SULF1: variants seen among roughly 807,000 people sequenced by gnomAD.
SULF1 encodes the protein extracellular sulfatase Sulf-1.
SULF1 carries 46 observed loss-of-function variants against 110.5 expected under a neutral mutation model. The observed-to-expected ratio is 0.42, with a 90% CI of 0.33 to 0.53. The LOEUF (loss-of-function observed/expected upper bound fraction) is 0.53. SULF1 is among the 20% of genes least tolerant of loss of function. The probability of loss-of-function intolerance (pLI) is 0.12; values close to 1 mark genes in which losing one functional copy is unlikely to be tolerated. For missense variants in SULF1, 941 were observed against 1,094.2 expected (o/e 0.86, Z 1.98); for synonymous variants, 371 against 387.1 (o/e 0.96, Z 0.49).
At chr8:69,566,340 C>A (rs1815882812) in intron 5 of SULF1, among the ~76,000 whole-genome samples, 1 of 152,122 alleles carries the variant, frequency 6.6e-6, no homozygotes, top group African/African-American at 2.4e-5. Flanking sequence ...TTGCTCATAA[C>A]TTTCTTTTTT....
At chr8:69,613,900 T>C (rs767974970) in intron 13 of SULF1, among the ~76,000 whole-genome samples, 13 of 151,926 alleles carry the variant, frequency 8.6e-5, no homozygotes, top group Non-Finnish European at 1.3e-4. Context: ...TTTTATCGGA[T>C]GTGGAATCCA....
intron 1 of SULF1, among the ~76,000 whole-genome samples, chr8:69,495,276 A>C (rs1455316688): frequency 6.6e-6 from 1 of 152,148 alleles, no homozygotes; most frequent in African/African-American, 2.4e-5. Context: ...CCAGCTACTC[A>C]GGAGGCTGAA....
At chr8:69,490,106 T>C (rs895736592), upstream of SULF1, among the ~76,000 whole-genome samples, 5 of 147,768 alleles carry the variant, frequency 3.4e-5, no homozygotes, top group African/African-American at 1.2e-4. Context: ...ACTTTTCTTT[T>C]TTTTTTTTTT....
chr8:69,639,476 A>T (rs1811300103), intron 21 of SULF1, among the ~76,000 whole-genome samples: 1 of 152,182 alleles, frequency 6.6e-6, no homozygotes, highest in Non-Finnish European at 1.5e-5. Flanking sequence ...CCTTTGTTTC[A>T]TGGAGATGCA....
At chr8:69,650,318 G>A (rs1324281875) in intron 22 of SULF1, among the ~76,000 whole-genome samples, 1 of 151,934 alleles carries the variant, frequency 6.6e-6, no homozygotes, top group Non-Finnish European at 1.5e-5. Flanking sequence ...GCATTTCTTA[G>A]GTAGTATTGT....
chr8:69,557,415 TATGCATTCTCTAAA>T (rs1815185134), intron 3 of SULF1, among the ~76,000 whole-genome samples: 1 of 152,204 alleles, frequency 6.6e-6, no homozygotes, highest in Non-Finnish European at 1.5e-5. Flanking sequence ...ATTTGGACTT[TATGCATTCTCTAAA>T]ATGCCCTTCG....
intron 6 of SULF1, among the ~76,000 whole-genome samples, chr8:69,580,248 GTGAAA>G (rs1805969056): frequency 6.6e-6 from 1 of 152,170 alleles, no homozygotes; most frequent in Non-Finnish European, 1.5e-5. Flanking sequence ...ATTCTGACAA[GTGAAA>G]TAGGAATGAG....
At chr8:69,490,037 T>C (rs146115483), upstream of SULF1, among the ~76,000 whole-genome samples, 21 of 152,136 alleles carry the variant, frequency 1.4e-4, no homozygotes, top group East Asian at 4.1e-3. Context: ...GCTGGGCCTG[T>C]CATCCTTAGT....
chr8:69,617,496 T>C (rs1371932388), intron 13 of SULF1, among the ~76,000 whole-genome samples: 6 of 145,024 alleles, frequency 4.1e-5, no homozygotes, highest in Non-Finnish European at 6.0e-5. Context: ...CTTGAACTCC[T>C]GGGCTCAAGC....
intron 9 of SULF1, 88 bp downstream of exon 9, chr8:69,600,841 C>T (rs1019331714): frequency 1.3e-4 from 176 of 1,393,024 alleles, no homozygotes; most frequent in Non-Finnish European, 1.6e-4. Context: ...TGGTTTTTTC[C>T]CCTTCATTTT....
intron 1 of SULF1, among the ~76,000 whole-genome samples, chr8:69,479,422 T>C (rs1053822466): frequency 3.1e-4 from 47 of 152,270 alleles, no homozygotes; most frequent in Non-Finnish European, 8.8e-5. Context: ...TCTTCTGCAG[T>C]GTGAATGGAT....
intron 3 of SULF1, among the ~76,000 whole-genome samples, chr8:69,530,424 C>A (rs551750660): frequency 1.3e-5 from 2 of 152,138 alleles, no homozygotes; most frequent in Non-Finnish European, 2.9e-5. Context: ...TGTAGAGATT[C>A]TTTGCTGAAA....
At position 69,627,266 on chromosome 8, in the gene SULF1, C is replaced by T. The variant is rs1190487769; in HGVS notation, c.1907C>T (p.Ala636Val). 6.2e-7 allele frequency: 1 copy of T among 1,614,068 alleles called. No homozygotes were observed. The highest frequency in any genetic ancestry group is 1.7e-5 in the Admixed American group (1 of 60,026). Reference protein sequence around the residue: ...IHCERELYQSARAWKDHKAYI... With the variant: ...IHCERELYQSVRAWKDHKAYI... ...TGTGAGAGAGAACTGTACCAATCGG[C>T]CAGAGCGTGGAAGGACCATAAGGCA... Residue 636 changes from alanine to valine, a missense_variant, in exon 16 of 23, where the codon GCC becomes GTC. Ala to Val is a moderately conservative substitution (Grantham distance 64). Transcript: ENST00000402687.
intron 1 of SULF1, among the ~76,000 whole-genome samples, chr8:69,486,595 G>A (rs973693588): frequency 6.6e-5 from 10 of 152,134 alleles, no homozygotes; most frequent in African/African-American, 9.7e-5. Flanking sequence ...TGAAGCTGGC[G>A]AGGAAGAGAA....
chr8:69,565,895 C>A (rs1050260571), intron 5 of SULF1, among the ~76,000 whole-genome samples: 18 of 152,272 alleles, frequency 1.2e-4, no homozygotes, highest in African/African-American at 4.1e-4. Flanking sequence ...CCCCCCTCGC[C>A]TCTATCCATG....
intron 22 of SULF1, among the ~76,000 whole-genome samples, chr8:69,654,605 T>C (rs1254822987): frequency 6.6e-6 from 1 of 152,198 alleles, no homozygotes; most frequent in Non-Finnish European, 1.5e-5. Context: ...AGCAGTTGCA[T>C]CTCTGCATCA....
intron 5 of SULF1, among the ~76,000 whole-genome samples, chr8:69,572,501 A>G (rs1030272912): frequency 2.0e-5 from 3 of 152,196 alleles, no homozygotes; most frequent in Non-Finnish European, 4.4e-5. Context: ...TGTCTACAAT[A>G]TACCTTATAG....
At chr8:69,627,673 G>T (rs958579319) in intron 16 of SULF1, 99 bp from the exon 17 acceptor site, 51 of 786,620 alleles carry the variant, frequency 6.5e-5, no homozygotes, top group Non-Finnish European at 1.0e-4. Context: ...CAGATGAATA[G>T]CTGTTATTAC....
intron 14 of SULF1, among the ~76,000 whole-genome samples, chr8:69,622,926 T>G (rs1809730225): frequency 6.6e-6 from 1 of 152,022 alleles, no homozygotes; most frequent in African/African-American, 2.4e-5. Context: ...AGCTGAGAGG[T>G]GTCTCAGAAG....
Sources: gnomAD v4.1 joint callset for allele counts (sites outside exome capture counted in the v4.1 genomes callset) on GRCh38, gnomAD v4.1.1 for gene constraint, MANE v1.5 for transcripts, NCBI Gene and HGNC (gene_info 2026-07-23, HGNC 2026-07-21) for gene names.